The following MARCHF11 variants were observed in gnomAD, a reference collection of about 807,000 sequenced individuals.
MARCHF11 encodes the protein membrane associated ring-CH-type finger 11, also known as E3 ubiquitin-protein ligase MARCHF11.
A neutral mutation model predicts 37.3 loss-of-function variants in MARCHF11; 29 were observed. That is an observed-to-expected ratio of 0.78 (90% CI 0.58 to 1.06). The LOEUF (loss-of-function observed/expected upper bound fraction) is 1.06. MARCHF11 is among the 50% of genes least tolerant of loss of function. The pLI is 0.00. For synonymous variants in MARCHF11, 233 were observed against 228.0 expected (o/e 1.02, Z -0.20); for missense variants, 482 against 533.4 (o/e 0.90, Z 0.95).
At chr5:16,095,294 C>G (rs1736847765) in intron 2 of MARCHF11, among the ~76,000 whole-genome samples, 1 of 152,168 alleles carries the variant, frequency 6.6e-6, no homozygotes, top group Non-Finnish European at 1.5e-5. Context: ...GGAGATGTCC[C>G]TCTAAGCTTC....
chr5:16,144,952 G>A (rs1300278510), intron 2 of MARCHF11, among the ~76,000 whole-genome samples: 4 of 152,150 alleles, frequency 2.6e-5, no homozygotes, highest in Non-Finnish European at 4.4e-5. Context: ...AGAGGTTGTA[G>A]GTGGAGTTTG....
At chr5:16,131,792 A>T (rs951449487) in intron 2 of MARCHF11, among the ~76,000 whole-genome samples, 1 of 152,200 alleles carries the variant, frequency 6.6e-6, no homozygotes, top group Non-Finnish European at 1.5e-5. Context: ...GTGCTTAAGA[A>T]CTGGACCATA....
At chr5:16,109,529 T>C (rs190007010) in intron 2 of MARCHF11, among the ~76,000 whole-genome samples, 182 of 152,368 alleles carry the variant, frequency 1.2e-3, no homozygotes, top group African/African-American at 4.2e-3. Context: ...TCACATCCCT[T>C]GCCTTACGGA....
At chr5:16,094,543 G>A (rs1736835267) in intron 2 of MARCHF11, among the ~76,000 whole-genome samples, 1 of 152,060 alleles carries the variant, frequency 6.6e-6, no homozygotes, top group Non-Finnish European at 1.5e-5. Context: ...GCGCATGTGT[G>A]TGTGTTGCAT....
At chr5:16,162,698 AT>A (rs1444843606) in intron 2 of MARCHF11, among the ~76,000 whole-genome samples, 2 of 151,728 alleles carry the variant, frequency 1.3e-5, no homozygotes, top group Non-Finnish European at 2.9e-5. Context: ...ACTTTTATTC[AT>A]TCCCAGTGAC....
chr5:16,166,040 T>G (rs180775778), intron 2 of MARCHF11, among the ~76,000 whole-genome samples: 69 of 152,274 alleles, frequency 4.5e-4, no homozygotes, highest in Non-Finnish European at 8.7e-4. Flanking sequence ...TTTATTTATA[T>G]TGGTGTTCAC....
chr5:16,112,157 C>T (rs1737152221), intron 2 of MARCHF11, among the ~76,000 whole-genome samples: 1 of 152,178 alleles, frequency 6.6e-6, no homozygotes, highest in Non-Finnish European at 1.5e-5. Context: ...ATGGAGTCCC[C>T]ACTGGGGCAC....
intron 2 of MARCHF11, among the ~76,000 whole-genome samples, chr5:16,106,003 C>G (rs922476300): frequency 6.6e-6 from 1 of 152,056 alleles, no homozygotes; most frequent in Non-Finnish European, 1.5e-5. Context: ...CAGAGGGGAC[C>G]AAACAACACT....
intron 2 of MARCHF11, among the ~76,000 whole-genome samples, chr5:16,110,740 G>A (rs1449231978): frequency 6.6e-6 from 1 of 152,108 alleles, no homozygotes; most frequent in Non-Finnish European, 1.5e-5. Flanking sequence ...CTAATATCCA[G>A]CCTCCAAGTC....
chr5:16,173,211 A>G (rs1738300674), intron 2 of MARCHF11, among the ~76,000 whole-genome samples: 1 of 152,212 alleles, frequency 6.6e-6, no homozygotes, highest in African/African-American at 2.4e-5. Context: ...AGGAAGAAGG[A>G]AAGTTGGTGA....
chr5:16,172,067 T>A (rs1031004874), intron 2 of MARCHF11, among the ~76,000 whole-genome samples: 1 of 152,216 alleles, frequency 6.6e-6, no homozygotes, highest in African/African-American at 2.4e-5. Flanking sequence ...GCAAATACCA[T>A]GGCACAATGC....
intron 2 of MARCHF11, among the ~76,000 whole-genome samples, chr5:16,177,152 A>G (rs1310779208): frequency 6.6e-6 from 1 of 152,214 alleles, no homozygotes; most frequent in Non-Finnish European, 1.5e-5. Context: ...TGTTGGGAAT[A>G]CTTCTGCATC....
At chr5:16,134,351 A>G (rs1462784414) in intron 2 of MARCHF11, among the ~76,000 whole-genome samples, 1 of 152,126 alleles carries the variant, frequency 6.6e-6, no homozygotes, top group Non-Finnish European at 1.5e-5. Context: ...ATTATTGCCA[A>G]TTATAAAAGG....
At chr5:16,147,134 G>T (rs756906742) in intron 2 of MARCHF11, among the ~76,000 whole-genome samples, 1 of 152,124 alleles carries the variant, frequency 6.6e-6, no homozygotes, top group African/African-American at 2.4e-5. Context: ...GCATTTAGAG[G>T]CAGGCACAGC....
intron 2 of MARCHF11, among the ~76,000 whole-genome samples, chr5:16,147,075 A>T (rs1303632592): frequency 6.6e-6 from 1 of 152,146 alleles, no homozygotes; most frequent in African/African-American, 2.4e-5. Flanking sequence ...ATATTTCAAA[A>T]GACTATCTTT....
intron 3 of MARCHF11, among the ~76,000 whole-genome samples, chr5:16,071,910 C>A (rs1256071502): frequency 2.0e-5 from 3 of 152,066 alleles, no homozygotes; most frequent in African/African-American, 7.2e-5. Flanking sequence ...TTCATTTAAT[C>A]TTGACTGCAA....
intron 2 of MARCHF11, among the ~76,000 whole-genome samples, chr5:16,098,522 T>C (rs976799939): frequency 6.6e-6 from 1 of 151,934 alleles, no homozygotes; most frequent in Admixed American, 6.6e-5. Flanking sequence ...ATCCCAGCAC[T>C]TTGGGGAGGC....
Position 16,179,152 on chromosome 5 carries a change from G to T in MARCHF11, c.424C>A (p.Arg142Ser). The change falls in exon 1 of 4, where the codon CGC (arginine) becomes AGC (serine). Residue 142 changes from arginine to serine, a missense_variant. Coordinates refer to ENST00000332432, the MANE Select transcript of MARCHF11 (RefSeq NM_001102562.3). ...CTGCTGCGGCTGCTGCACACCGAGCGCGTCTCGGGCTGGTCTCCGGCGCCC... is the reference window on the plus strand; with the variant it reads ...CTGCTGCGGCTGCTGCACACCGAGCTCGTCTCGGGCTGGTCTCCGGCGCCC... ...RRGAGDQPET[R>S]SVCSSRSSSS... 2.8e-6 allele frequency: 4 copies of T among 1,453,142 alleles called. No individual in the cohort carries two copies. Among genetic ancestry groups the T allele is most frequent in the Non-Finnish European group, 3.6e-6 (4 of 1,109,264 alleles). 90.0% of individuals were successfully genotyped at this position (1,453,142 alleles called of 1,614,324 possible). A position where few individuals can be genotyped will look rare whatever the true frequency, so the allele number is the denominator to read the frequency against.
chr5:16,157,207 G>A (rs1737991645), intron 2 of MARCHF11, among the ~76,000 whole-genome samples: 1 of 42,604 alleles, frequency 2.3e-5, no homozygotes, highest in Non-Finnish European at 4.8e-5. Context: ...GAAGACATGA[G>A]TAAATGAAAT....
Sources: allele counts gnomAD v4.1 joint callset (sites outside exome capture counted in the v4.1 genomes callset), GRCh38; gene constraint gnomAD v4.1.1; transcripts MANE v1.5; gene names NCBI Gene and HGNC (gene_info 2026-07-23, HGNC 2026-07-21).